MYO1D: variants seen among roughly 807,000 people sequenced by gnomAD.
MYO1D encodes myosin ID.
Under a neutral mutation model 122.0 loss-of-function variants are expected in MYO1D, and 83 were observed. The observed-to-expected ratio is 0.68, with a 90% CI of 0.57 to 0.82. The LOEUF (loss-of-function observed/expected upper bound fraction) is 0.82, where lower values mean the gene tolerates loss of function less well. Ranked by LOEUF, MYO1D falls within the 40% of genes least tolerant of loss-of-function variation. MYO1D has a pLI of 0.00. For missense variants in MYO1D, 1,157 were observed against 1,269.5 expected, an observed-to-expected ratio of 0.91 and a Z score of 1.35; for synonymous variants, 464 against 446.9, an observed-to-expected ratio of 1.04 and a Z score of -0.48.
intron 16 of MYO1D, among the ~76,000 whole-genome samples, chr17:32,660,646 T>C (rs536738542): frequency 1.3e-5 from 2 of 152,098 alleles, no homozygotes; most frequent in Non-Finnish European, 2.9e-5. Flanking sequence ...ACATGACACA[T>C]GGGCAATTTG....
intron 1 of MYO1D, among the ~76,000 whole-genome samples, chr17:32,826,635 G>GTA (rs1052699954): frequency 3.9e-5 from 6 of 152,272 alleles, no homozygotes; most frequent in African/African-American, 1.4e-4. Context: ...ATCCTGCCCT[G>GTA]ATATAGAAGA....
intron 21 of MYO1D, among the ~76,000 whole-genome samples, chr17:32,574,009 C>T (rs768271354): frequency 1.3e-5 from 2 of 152,070 alleles, no homozygotes; most frequent in African/African-American, 2.4e-5. Flanking sequence ...CCCGCCACCT[C>T]GCCCGGCTAA....
At chr17:32,694,851 G>A (rs12103589) in intron 16 of MYO1D, among the ~76,000 whole-genome samples, 3 of 151,604 alleles carry the variant, frequency 2.0e-5, no homozygotes, top group Admixed American at 2.0e-4. Context: ...CCATCTTCCA[G>A]ATATGCCCCT....
At chr17:32,713,369 G>A (rs1382867926) in intron 15 of MYO1D, among the ~76,000 whole-genome samples, 1 of 152,036 alleles carries the variant, frequency 6.6e-6, no homozygotes, top group Non-Finnish European at 1.5e-5. Flanking sequence ...GGACTTTCTG[G>A]TCTGTTTCAT....
At chr17:32,689,183 G>A (rs927693608) in intron 16 of MYO1D, among the ~76,000 whole-genome samples, 3 of 151,844 alleles carry the variant, frequency 2.0e-5, no homozygotes, top group African/African-American at 4.8e-5. Context: ...GTTTATAATC[G>A]ATTTAAAGTA....
chr17:32,543,533 G>A (rs58870543), intron 21 of MYO1D, among the ~76,000 whole-genome samples: 14,870 of 151,574 alleles, frequency 0.098, 814 homozygotes, highest in South Asian at 0.16. Flanking sequence ...CCGAGATCAT[G>A]CCACTGCACT....
chr17:32,515,583 T>C (rs909020887), intron 21 of MYO1D, among the ~76,000 whole-genome samples: 1 of 152,222 alleles, frequency 6.6e-6, no homozygotes, highest in African/African-American at 2.4e-5. Flanking sequence ...TGAGCCACTG[T>C]GCCCAGCCTT....
chr17:32,863,292 C>T (rs990458522), intron 1 of MYO1D, among the ~76,000 whole-genome samples: 1 of 152,212 alleles, frequency 6.6e-6, no homozygotes, highest in Admixed American at 6.5e-5. Flanking sequence ...GGCCTACTTG[C>T]CTTTCCAGCC....
At position 32,816,555 on chromosome 17, in the gene MYO1D, T is replaced by C. The variant is rs115986107; in HGVS notation, c.96-35771A>G. ...AATTTTAAATAATTCTGTTTGATTC[T>C]AAACAGTCAAGTTTGCAATAGATTG... On this transcript the variant is annotated intron_variant, in intron 1 of 21. Transcript: ENST00000318217. 3.6e-3 allele frequency among the ~76,000 whole-genome samples: 556 copies of C among 152,382 alleles called. 3 individuals are homozygous for C. The highest frequency in any genetic ancestry group is 0.012 in the African/African-American group (519 of 41,596).
intron 12 of MYO1D, among the ~76,000 whole-genome samples, chr17:32,748,184 T>C (rs1046416727): frequency 4.6e-5 from 7 of 152,238 alleles, no homozygotes; most frequent in African/African-American, 1.7e-4. Context: ...CTTTATTGTA[T>C]TGTTAATAAA....
chr17:32,672,265 T>C (rs1273072583), intron 16 of MYO1D, among the ~76,000 whole-genome samples: 1 of 152,218 alleles, frequency 6.6e-6, no homozygotes, highest in African/African-American at 2.4e-5. Flanking sequence ...CTTAGCTCTG[T>C]CTGGCTCCAA....
intron 16 of MYO1D, among the ~76,000 whole-genome samples, chr17:32,671,396 T>C (rs1179342271): frequency 6.6e-6 from 1 of 152,054 alleles, no homozygotes; most frequent in Non-Finnish European, 1.5e-5. Flanking sequence ...CCAAGAAAAA[T>C]CCTGTGTCAA....
chr17:32,677,325 C>T (rs2150964083), intron 16 of MYO1D, among the ~76,000 whole-genome samples: 1 of 152,096 alleles, frequency 6.6e-6, no homozygotes, highest in African/African-American at 2.4e-5. Flanking sequence ...CAGATTCTGC[C>T]TATTCCAGTA....
In MYO1D at chr17:32,795,262, G is replaced by A. The variant is rs557777492; in HGVS notation, c.96-14478C>T. ...ACACAAAGTGAACAACACCAAGGAT[G>A]GCAAACACAGATCATCAGCAGTGGA... On this transcript the variant is annotated intron_variant, in intron 1 of 21. Transcript: ENST00000318217. Among the ~76,000 whole-genome samples, 9 of 152,244 alleles carry A rather than the reference G, an allele frequency of 5.9e-5. No homozygotes were observed. The South Asian group carries it at 1.7e-3, about 28-fold the overall frequency.
intron 1 of MYO1D, among the ~76,000 whole-genome samples, chr17:32,797,279 C>T (rs1179726245): frequency 3.9e-5 from 6 of 152,200 alleles, no homozygotes; most frequent in Admixed American, 2.6e-4. Context: ...TGCTGCATCA[C>T]TTTTCTAAAA....
intron 15 of MYO1D, among the ~76,000 whole-genome samples, chr17:32,716,479 G>A (rs2089448016): frequency 6.6e-6 from 1 of 152,098 alleles, no homozygotes; most frequent in South Asian, 2.1e-4. Context: ...GCCATACTAT[G>A]AGGCAATAGA....
intron 10 of MYO1D, 99 bp from the exon 11 acceptor site, chr17:32,755,761 C>T (rs1282672117): frequency 9.8e-7 from 1 of 1,024,454 alleles, no homozygotes; most frequent in Non-Finnish European, 1.4e-6. Context: ...GGTAAAACTA[C>T]TTTGGTGTCA....
In MYO1D at chr17:32,494,532, C is replaced by T. The variant is rs538096642; in HGVS notation, c.*227G>A. 4.8e-5 allele frequency: 28 copies of T among 582,340 alleles called. No individual in the cohort carries two copies. The highest frequency in any genetic ancestry group is 2.9e-4 in the Admixed American group (9 of 30,792). 36.1% of individuals were successfully genotyped at this position (582,340 alleles called of 1,614,324 possible). On this transcript the variant is annotated 3_prime_UTR_variant, in exon 22 of 22. Transcript: ENST00000318217. ...CTGGACGTCAGCCCAGGGGTCTGGG[C>T]GGGGCACCAGGGTCTTTGGCTTATT...
chr17:32,831,031 G>A (rs2090767146), intron 1 of MYO1D, among the ~76,000 whole-genome samples: 1 of 152,156 alleles, frequency 6.6e-6, no homozygotes, highest in Non-Finnish European at 1.5e-5. Context: ...ACTCCAGCCT[G>A]GGGGACAGTG....
Sources: allele counts gnomAD v4.1 joint callset (sites outside exome capture counted in the v4.1 genomes callset), GRCh38; gene constraint gnomAD v4.1.1; transcripts MANE v1.5; gene names NCBI Gene and HGNC (gene_info 2026-07-23, HGNC 2026-07-21).